Variants in GAPVD1 observed in about 807,000 individuals in gnomAD.
GAPVD1 encodes GTPase-activating protein and VPS9 domain-containing protein 1.
Under a neutral mutation model 155.5 loss-of-function variants are expected in GAPVD1, and 35 were observed. The ratio of observed to expected loss-of-function variants is 0.23; its 90% CI spans 0.17 to 0.30. GAPVD1 has a LOEUF of 0.30. Ranked by LOEUF, GAPVD1 falls within the 10% of genes least tolerant of loss-of-function variation. The probability of loss-of-function intolerance (pLI) is 1.00; values close to 1 mark genes in which losing one functional copy is unlikely to be tolerated. For synonymous variants in GAPVD1, 636 were observed against 619.7 expected (o/e 1.03, Z -0.39); for missense variants, 1,429 against 1,775.7 (o/e 0.80, Z 3.51).
chr9:125,264,104 G>A, intron 1 of GAPVD1: 1 of 753,134 alleles, frequency 1.3e-6, no homozygotes, highest in Non-Finnish European at 2.4e-6. Flanking sequence ...AAGAACATTT[G>A]AATCATTGAA....
At chr9:125,314,890 C>T (rs1843177692) in intron 9 of GAPVD1, among the ~76,000 whole-genome samples, 1 of 151,036 alleles carries the variant, frequency 6.6e-6, no homozygotes, top group South Asian at 2.1e-4. Context: ...CGGGTTCACG[C>T]CATTCTCCTG....
chr9:125,348,540 T>A (rs1848853426), intron 20 of GAPVD1, among the ~76,000 whole-genome samples: 1 of 151,798 alleles, frequency 6.6e-6, no homozygotes, highest in Non-Finnish European at 1.5e-5. Flanking sequence ...CGAGATGGAG[T>A]CTTACTTTGT....
chr9:125,269,124 A>G (rs1834462198), intron 2 of GAPVD1, 140 bp downstream of exon 2: 1 of 151,918 alleles, frequency 6.6e-6, no homozygotes, highest in Non-Finnish European at 1.5e-5. Context: ...CAGTGGTGCC[A>G]TCATAGCTCA....
chr9:125,327,947 A>G (rs1265802851), intron 12 of GAPVD1, among the ~76,000 whole-genome samples: 1 of 152,046 alleles, frequency 6.6e-6, no homozygotes, highest in Non-Finnish European at 1.5e-5. Flanking sequence ...CTCTCCCCTC[A>G]TTATGTTTAG....
chr9:125,279,864 G>A (rs1295446748), intron 2 of GAPVD1, among the ~76,000 whole-genome samples: 2 of 150,540 alleles, frequency 1.3e-5, no homozygotes, highest in Admixed American at 6.6e-5. Flanking sequence ...GAGTTCAAGC[G>A]ATTCTTCTGC....
chr9:125,334,260 C>T (rs1447348461), intron 15 of GAPVD1, among the ~76,000 whole-genome samples: 2 of 143,248 alleles, frequency 1.4e-5, no homozygotes, highest in African/African-American at 5.2e-5. Flanking sequence ...CTGTATTCTT[C>T]ACTCACAGTT....
At chr9:125,320,938 T>A (rs1844241240) in intron 9 of GAPVD1, among the ~76,000 whole-genome samples, 1 of 152,232 alleles carries the variant, frequency 6.6e-6, no homozygotes, top group Non-Finnish European at 1.5e-5. Flanking sequence ...GTTGATTTAC[T>A]TTCTTTAAAT....
intron 11 of GAPVD1, among the ~76,000 whole-genome samples, chr9:125,325,539 A>AAAAC (rs71374252): frequency 2.0e-5 from 3 of 148,998 alleles, no homozygotes; most frequent in Non-Finnish European, 1.5e-5. Context: ...AAAAAAAAAA[A>AAAAC]GATGATGCCC....
At position 125,332,019 on chromosome 9, in the gene GAPVD1, T is replaced by C; in HGVS notation, c.2267T>C (p.Val756Ala). The change falls in exon 14 of 28, where the codon GTC (valine) becomes GCC (alanine). Residue 756 changes from valine to alanine, a missense_variant. By Grantham distance (64) the Val-to-Ala change is moderately conservative. Coordinates refer to ENST00000297933, the MANE Select transcript of GAPVD1 (RefSeq NM_001282680.3). Reference sequence around the variant, plus strand: ...TCTGATGATACGGATGTCAGGGAGGTCAGTTCCCGCCCCAGCACACCAGGC... The same window carrying C: ...TCTGATGATACGGATGTCAGGGAGGCCAGTTCCCGCCCCAGCACACCAGGC... ...STSDDTDVRE[V>A]SSRPSTPGLS... 6.2e-7 allele frequency: 1 copy of C among 1,613,802 alleles called. No individual in the cohort carries two copies. Among genetic ancestry groups the C allele is most frequent in the Non-Finnish European group, 8.5e-7 (1 of 1,179,910 alleles).
At chr9:125,317,649 A>G (rs2131394012) in intron 9 of GAPVD1, among the ~76,000 whole-genome samples, 1 of 151,280 alleles carries the variant, frequency 6.6e-6, no homozygotes, top group East Asian at 1.9e-4. Flanking sequence ...AAAAGAAAAG[A>G]AAGAAAAGAA....
intron 2 of GAPVD1, among the ~76,000 whole-genome samples, chr9:125,290,531 T>C (rs1174605835): frequency 6.6e-6 from 1 of 152,164 alleles, no homozygotes. Context: ...GCTTCATTTT[T>C]CTCAATGAAG....
At chr9:125,331,344 G>T (rs1249374023) in intron 13 of GAPVD1, among the ~76,000 whole-genome samples, 2 of 152,054 alleles carry the variant, frequency 1.3e-5, no homozygotes. Flanking sequence ...GGGATTACAG[G>T]CACCTGCCAC....
chr9:125,328,789 G>A (rs952066361), intron 12 of GAPVD1, among the ~76,000 whole-genome samples: 1 of 151,540 alleles, frequency 6.6e-6, no homozygotes, highest in African/African-American at 2.4e-5. Context: ...GGGCAGAGGC[G>A]CCCCTCACCT....
intron 1 of GAPVD1, among the ~76,000 whole-genome samples, chr9:125,265,366 G>T (rs1403682534): frequency 6.6e-6 from 1 of 151,736 alleles, no homozygotes; most frequent in Admixed American, 6.6e-5. Flanking sequence ...GCCTTACCAA[G>T]TAGCTAGGAC....
At chr9:125,343,634 T>TGA (rs1479809746) in intron 19 of GAPVD1, among the ~76,000 whole-genome samples, 1 of 152,236 alleles carries the variant, frequency 6.6e-6, no homozygotes, top group Non-Finnish European at 1.5e-5. Context: ...AGTTCCCTGC[T>TGA]GAGAGCAGCT....
intron 25 of GAPVD1, among the ~76,000 whole-genome samples, chr9:125,357,975 TA>T (rs1325730099): frequency 2.1e-4 from 31 of 144,416 alleles, no homozygotes; most frequent in South Asian, 4.4e-4. Flanking sequence ...GCTCTGTCTT[TA>T]AAAAAAAAAA....
At chr9:125,288,474 A>C (rs1419419738) in intron 2 of GAPVD1, among the ~76,000 whole-genome samples, 1 of 152,074 alleles carries the variant, frequency 6.6e-6, no homozygotes, top group African/African-American at 2.4e-5. Context: ...AAAGGACTAC[A>C]TCCTTGTTCT....
intron 1 of GAPVD1, among the ~76,000 whole-genome samples, chr9:125,262,895 A>G (rs749852473): frequency 6.6e-6 from 1 of 152,166 alleles, no homozygotes; most frequent in Non-Finnish European, 1.5e-5. Context: ...ATCAATAAAA[A>G]TTACGGATAT....
chr9:125,360,478 A>G (rs2132694582), intron 26 of GAPVD1, 50 bp from the exon 27 acceptor site: 1 of 1,463,838 alleles, frequency 6.8e-7, no homozygotes, highest in Middle Eastern at 1.7e-4. Context: ...GTCACTGCGC[A>G]GGGTTGCCAC....
Sources: gnomAD v4.1 joint callset for allele counts (sites outside exome capture counted in the v4.1 genomes callset) on GRCh38, gnomAD v4.1.1 for gene constraint, MANE v1.5 for transcripts, NCBI Gene and HGNC (gene_info 2026-07-23, HGNC 2026-07-21) for gene names.